CFAP20DC: variants seen among roughly 807,000 people sequenced by gnomAD.
The protein encoded by CFAP20DC is protein CFAP20DC.
CFAP20DC carries 84 observed loss-of-function variants against 101.7 expected under a neutral mutation model. That is an observed-to-expected ratio of 0.83 (90% confidence interval 0.69 to 0.99). CFAP20DC has a LOEUF of 0.99. CFAP20DC is among the 50% of genes least tolerant of loss of function. The pLI, the probability that CFAP20DC is intolerant of heterozygous loss-of-function variation, is 0.00. For synonymous variants in CFAP20DC, 359 were observed against 351.2 expected, an observed-to-expected ratio of 1.02 and a Z score of -0.25; for missense variants, 1,007 against 970.3, an observed-to-expected ratio of 1.04 and a Z score of -0.50.
At chr3:58,733,738 A>G (rs1395989751) in intron 3 of CFAP20DC, among the ~76,000 whole-genome samples, 1 of 152,188 alleles carries the variant, frequency 6.6e-6, no homozygotes, top group Admixed American at 6.5e-5. Flanking sequence ...TGGAGTATCT[A>G]TTTTCTAACT....
intron 6 of CFAP20DC, among the ~76,000 whole-genome samples, chr3:58,886,429 T>C (rs2081632013): frequency 6.6e-6 from 1 of 151,988 alleles, no homozygotes; most frequent in Non-Finnish European, 1.5e-5. Flanking sequence ...AATAAATTTA[T>C]AAAATGTATG....
intron 16 of CFAP20DC, among the ~76,000 whole-genome samples, chr3:58,752,071 G>A (rs1028114525): frequency 1.3e-5 from 2 of 152,068 alleles, no homozygotes; most frequent in African/African-American, 2.4e-5. Context: ...CAGAACAGAT[G>A]GAAACACTAT....
chr3:58,901,702 C>T lies in CFAP20DC; in HGVS notation c.550+12006G>A, dbSNP rs922980778. Among the ~76,000 whole-genome samples, 4 of 152,130 alleles carry T rather than the reference C, an allele frequency of 2.6e-5. No homozygotes were observed. The East Asian group carries it at 5.8e-4, about 22-fold the overall frequency. On this transcript the variant is annotated intron_variant, in intron 6 of 16. Transcript: ENST00000482387. ...AAATAAACCTGAGCTACACCTAAAA[C>T]TTGGCTATCCTGAATGAATCATGCC...
chr3:58,803,625 T>A (rs1166409386), intron 15 of CFAP20DC, among the ~76,000 whole-genome samples: 1 of 152,230 alleles, frequency 6.6e-6, no homozygotes, highest in Non-Finnish European at 1.5e-5. Flanking sequence ...TCATCTTCTG[T>A]ATTTATGGCC....
chr3:58,998,212 G>C (rs2093198853), intron 4 of CFAP20DC, among the ~76,000 whole-genome samples: 1 of 152,174 alleles, frequency 6.6e-6, no homozygotes, highest in Admixed American at 6.5e-5. Context: ...TTAAGTTTAG[G>C]AGGGACCCTC....
At chr3:58,831,982 C>A in intron 13 of CFAP20DC, 93 bp from the exon 14 acceptor site, 1 of 1,062,588 alleles carries the variant, frequency 9.4e-7, no homozygotes, top group Non-Finnish European at 1.4e-6. Context: ...CAGCAGCTCC[C>A]CCAACTGACA....
At chr3:58,890,302 C>T (rs1436924792) in intron 6 of CFAP20DC, among the ~76,000 whole-genome samples, 29 of 139,560 alleles carry the variant, frequency 2.1e-4, no homozygotes, top group African/African-American at 5.3e-4. Context: ...GCTGTCCGGG[C>T]GGGGGGCTGA....
In CFAP20DC at chr3:58,859,785, T is replaced by A. The variant is rs1355494725; in HGVS notation, c.1593+3773A>T. Among the ~76,000 whole-genome samples, 1 of 152,130 alleles carries A rather than the reference T, an allele frequency of 6.6e-6. No homozygotes were observed. The highest frequency in any genetic ancestry group is 1.5e-5 in the Non-Finnish European group (1 of 68,016). ...TTTTTCCCAACACATAAACTAAATT[T>A]AAAAGTATCTGAAGGCTACATAGAA... On this transcript the variant is annotated intron_variant, in intron 12 of 16. Transcript: ENST00000482387. The surrounding 1 kb of genome is among the most constrained non-coding windows in gnomAD (Gnocchi z 4.1).
At position 58,913,943 on chromosome 3, in the gene CFAP20DC, CAA is replaced by C. The variant is rs2084416086; in HGVS notation, c.394-81_394-80del. ...AACAAACCATCTATATGTAGACATT[CAA>C]AGAGTTGAGGCAGTTATCCTGATCA... On this transcript the variant is annotated intron_variant, in intron 5 of 16. Coordinates refer to ENST00000482387, the MANE Select transcript of CFAP20DC (RefSeq NM_001394063.1). The surrounding 1 kb of genome is among the most constrained non-coding windows in gnomAD (Gnocchi z 4.4). The C allele has an allele frequency of 4.8e-6, 7 of 1,467,156 alleles. No individual in the cohort carries two copies. Among genetic ancestry groups the C allele is most frequent in the Non-Finnish European group, 6.6e-6 (7 of 1,061,818 alleles). The allele number at this position is 1,467,156 out of a possible 1,614,324, so 90.9% of individuals were successfully genotyped here.
chr3:59,026,071 AAGTC>A (rs2109033687), intron 4 of CFAP20DC, among the ~76,000 whole-genome samples: 1 of 152,302 alleles, frequency 6.6e-6, no homozygotes, highest in South Asian at 2.1e-4. Context: ...TATATTAAGA[AAGTC>A]AGTATGCAAA....
At chr3:58,768,548 C>T (rs2070545266) in intron 15 of CFAP20DC, among the ~76,000 whole-genome samples, 1 of 152,156 alleles carries the variant, frequency 6.6e-6, no homozygotes, top group Non-Finnish European at 1.5e-5. Context: ...AAACCCATTG[C>T]CATTATCCTA....
At chr3:58,949,653 C>T (rs1430792047) in intron 4 of CFAP20DC, among the ~76,000 whole-genome samples, 1 of 152,042 alleles carries the variant, frequency 6.6e-6, no homozygotes, top group Non-Finnish European at 1.5e-5. Flanking sequence ...ATAAACAGAA[C>T]CAATGACAAA....
At chr3:58,862,220 T>C (rs998400909) in intron 12 of CFAP20DC, 51 of 985,110 alleles carry the variant, frequency 5.2e-5, no homozygotes, top group Middle Eastern at 5.2e-4. Context: ...GATTGTGCTG[T>C]GCATATGGGA....
chr3:58,917,710 T>C (rs935969937), intron 5 of CFAP20DC, among the ~76,000 whole-genome samples: 1 of 152,208 alleles, frequency 6.6e-6, no homozygotes, highest in African/African-American at 2.4e-5. Flanking sequence ...TACTATATTG[T>C]GTTTAATAAG....
chr3:59,023,157 GTTT>G (rs531050236), intron 4 of CFAP20DC, among the ~76,000 whole-genome samples: 3 of 101,070 alleles, frequency 3.0e-5, no homozygotes, highest in African/African-American at 1.1e-4. Flanking sequence ...CTACTCTCTT[GTTT>G]TTTTTTTTTG....
downstream of CFAP20DC, among the ~76,000 whole-genome samples, chr3:58,737,782 A>G (rs568925678): frequency 5.3e-5 from 8 of 152,238 alleles, no homozygotes; most frequent in African/African-American, 1.9e-4. This position sits in a 1 kb window ranked among gnomAD's most constrained non-coding sequence, Gnocchi z 4.1. Flanking sequence ...AAGAGTGTGC[A>G]TGGAGCAAAA....
At position 58,863,312 on chromosome 3, in the gene CFAP20DC, CAGAA is replaced by C. The variant is rs1229039652; in HGVS notation, c.1593+242_1593+245del. On this transcript the variant is annotated intron_variant, in intron 12 of 16. Coordinates refer to ENST00000482387, the MANE Select transcript of CFAP20DC (RefSeq NM_001394063.1). This position sits in a 1 kb window ranked among gnomAD's most constrained non-coding sequence, Gnocchi z 5.9. ...TGATTCAAAGATTAAAATGAAAAAA[CAGAA>C]AGAAACCCAAAACTGGTTTCTATAA... 20 of 1,406,498 alleles carry C rather than the reference CAGAA, an allele frequency of 1.4e-5. No homozygotes were observed. In the East Asian group the frequency reaches 5.1e-4, roughly 36 times the overall value. 87.1% of individuals were successfully genotyped at this position (1,406,498 alleles called of 1,614,324 possible).
chr3:58,735,707 C>T (rs1049702459), intron 3 of CFAP20DC, among the ~76,000 whole-genome samples: 8 of 152,132 alleles, frequency 5.3e-5, no homozygotes, highest in Non-Finnish European at 8.8e-5. Flanking sequence ...ATCTTAGAGT[C>T]CCCAGATAAT....
intron 4 of CFAP20DC, among the ~76,000 whole-genome samples, chr3:58,944,896 A>G (rs139212338): frequency 6.6e-6 from 1 of 152,204 alleles, no homozygotes; most frequent in Non-Finnish European, 1.5e-5. Flanking sequence ...TCGTGTAAAG[A>G]AAAAAAATCT....
Sources: gnomAD v4.1 joint callset for allele counts (sites outside exome capture counted in the v4.1 genomes callset) on GRCh38, gnomAD v4.1.1 for gene constraint, Gnocchi (gnomAD v3.1) non-coding constraint, MANE v1.5 for transcripts, NCBI Gene and HGNC (gene_info 2026-07-23, HGNC 2026-07-21) for gene names.